Variants in GRHL3 observed in about 807,000 individuals in gnomAD.
GRHL3 encodes grainyhead like transcription factor 3.
In GRHL3, 20 loss-of-function variants were observed where a neutral mutation model predicts 70.3. The observed-to-expected ratio is 0.28, with a 90% CI of 0.20 to 0.41. The LOEUF (loss-of-function observed/expected upper bound fraction) is 0.41, where lower values mean the gene tolerates loss of function less well. Among genes scored for constraint, GRHL3 ranks in the 10% least tolerant of loss-of-function variants. The probability of loss-of-function intolerance (pLI) is 1.00; values close to 1 mark genes in which losing one functional copy is unlikely to be tolerated. For missense variants in GRHL3, 637 were observed against 762.3 expected, an observed-to-expected ratio of 0.84 and a Z score of 1.94; for synonymous variants, 299 against 299.9, an observed-to-expected ratio of 1.00 and a Z score of 0.03.
At chr1:24,360,977 C>G in intron 15 of GRHL3, 2 of 1,613,810 alleles carry the variant, frequency 1.2e-6, no homozygotes, top group Non-Finnish European at 1.7e-6. Flanking sequence ...TGACCAGGAC[C>G]TGGGAAAGGT....
intron 11 of GRHL3, among the ~76,000 whole-genome samples, chr1:24,343,444 G>T (rs1194287494): frequency 2.0e-5 from 3 of 152,112 alleles, no homozygotes. Flanking sequence ...TGTCTCCCTG[G>T]ATCTGTGGGG....
chr1:24,336,820 C>T lies in GRHL3; in HGVS notation c.605C>T (p.Pro202Leu). 1 of 1,600,980 alleles carries T rather than the reference C, an allele frequency of 6.2e-7. No homozygotes were observed. Among genetic ancestry groups the T allele is most frequent in the Non-Finnish European group, 8.5e-7 (1 of 1,171,790 alleles). ...WQPDSTFKDD[P>L]QESMLFPDIL... ...CCAGACAGCACCTTCAAAGATGACC[C>T]ACAGGAGGTGAGGGCGCATCCCCGC... The change falls in exon 4 of 16, where the codon CCA becomes CTA. Residue 202 changes from proline to leucine, a missense_variant. Transcript: ENST00000361548.
At position 24,342,735 on chromosome 1, in the gene GRHL3, CCGG is replaced by C; in HGVS notation, c.1249_1251del (p.Arg418del). On this transcript the variant is annotated inframe_deletion, in exon 10 of 16. Coordinates refer to ENST00000361548, the MANE Select transcript of GRHL3 (RefSeq NM_198173.3). The surrounding 1 kb of genome is among the most constrained non-coding windows in gnomAD (Gnocchi z 4.8). Reference sequence around the variant, plus strand: ...TGCGCGATGACGAGCGGAAGCAGTTCCGGAGGAAGGTCAAGTGCCCTGACTCCA... The same window carrying C: ...TGCGCGATGACGAGCGGAAGCAGTTCAGGAAGGTCAAGTGCCCTGACTCCA... 1.2e-6 allele frequency: 2 copies of C among 1,614,196 alleles called. No individual in the cohort carries two copies. The highest frequency in any genetic ancestry group is 1.7e-6 in the Non-Finnish European group (2 of 1,180,032).
intron 1 of GRHL3, among the ~76,000 whole-genome samples, chr1:24,320,430 T>A (rs986618816): frequency 6.6e-6 from 1 of 152,156 alleles, no homozygotes; most frequent in East Asian, 1.9e-4. Flanking sequence ...CTTCTTGGGG[T>A]CCAGACCTTA....
In GRHL3 at chr1:24,360,881, C is replaced by T. The variant is rs138744711; in HGVS notation, c.1695-3304C>T. ...CCAGGCAGGCCTGGCTGAGGCGGCG[C>T]CGCTGTCCACCGGCTGGTATTGGAC... On this transcript the variant is annotated intron_variant, in intron 15 of 15. Coordinates refer to the GRHL3 transcript ENST00000350501. 6.7e-3 allele frequency: 10,782 copies of T among 1,613,472 alleles called. 56 individuals are homozygous for T. Among genetic ancestry groups the T allele is most frequent in the Non-Finnish European group, 8.4e-3 (9,910 of 1,179,754 alleles).
exon 16 of GRHL3, chr1:24,364,210 C>A (rs1233923407): frequency 1.1e-4 from 172 of 1,540,442 alleles, no homozygotes; most frequent in Non-Finnish European, 1.5e-4. Flanking sequence ...CCACCCACGC[C>A]TGTCTCGCCA....
At chr1:24,329,320 T>C (rs998829031) in intron 1 of GRHL3, among the ~76,000 whole-genome samples, 1 of 152,168 alleles carries the variant, frequency 6.6e-6, no homozygotes, top group Non-Finnish European at 1.5e-5. Flanking sequence ...CACTGCAGTC[T>C]GAGGATATGG....
chr1:24,344,126 C>T (rs183213925), intron 11 of GRHL3, among the ~76,000 whole-genome samples: 55 of 152,284 alleles, frequency 3.6e-4, no homozygotes, highest in African/African-American at 1.2e-3. Flanking sequence ...TGAGGGTGGG[C>T]CAGTCTCCAC....
chr1:24,336,533 C>T lies in GRHL3; in HGVS notation c.318C>T (p.Pro106=). The change falls in exon 4 of 16, where the codon CCC becomes CCT. Residue 106 remains proline (P), a synonymous_variant. Coordinates refer to ENST00000361548, the MANE Select transcript of GRHL3 (RefSeq NM_198173.3). Reference sequence around the variant, plus strand: ...CGGACCTCACTCCCCTTGAAAGCCCCACACACCTCATGAAATTCCTGACAG... The same window carrying T: ...CGGACCTCACTCCCCTTGAAAGCCCTACACACCTCATGAAATTCCTGACAG... ...YETDLTPLES[P]THLMKFLTEN... 1 of 1,612,742 alleles carries T rather than the reference C, an allele frequency of 6.2e-7. No homozygotes were observed. The highest frequency in any genetic ancestry group is 8.5e-7 in the Non-Finnish European group (1 of 1,179,310).
Position 24,364,166 on chromosome 1 carries a change from C to T in GRHL3, c.1695-19C>T, listed in dbSNP as rs920462801. The stretch of plus-strand genomic sequence containing the variant: ...CTGCAAACTCGAATTCAATTCTTGA[C>T]GTTCTCACTTTCTTCCAGGGAAACT... On this transcript the variant is annotated intron_variant, in intron 15 of 15. Transcript: ENST00000350501. 33 of 1,487,590 alleles carry T rather than the reference C, an allele frequency of 2.2e-5. No homozygotes were observed. The Admixed American group carries it at 2.7e-4, about 12-fold the overall frequency. The allele number at this position is 1,487,590 out of a possible 1,614,324, so 92.1% of individuals were successfully genotyped here.
chr1:24,331,510 G>A lies in GRHL3; in HGVS notation c.102G>A (p.Thr34=), dbSNP rs772849599. ...CTAGTGAGGATGAGGCCTGGAAGAC[G>A]TACCTAGAAAACCCGTTGACAGCTG... is the stretch of plus-strand genomic sequence containing the variant. The part of the protein sequence containing the change: ...SYTSEDEAWK[T]YLENPLTAAT... Residue 34 remains threonine (T), a synonymous_variant, in exon 2 of 16, where the codon ACG becomes ACA. Coordinates refer to ENST00000361548, the MANE Select transcript of GRHL3 (RefSeq NM_198173.3). 7.4e-6 allele frequency: 12 copies of A among 1,613,978 alleles called. No individual in the cohort carries two copies. In the East Asian group the frequency reaches 1.6e-4, roughly 21 times the overall value.
At chr1:24,364,382 T>C (rs1641319734) in exon 16 of GRHL3, 4 of 1,530,674 alleles carry the variant, frequency 2.6e-6, no homozygotes, top group Non-Finnish European at 3.5e-6. Flanking sequence ...CACACCCACC[T>C]GGAGGAGAGG....
intron 15 of GRHL3, among the ~76,000 whole-genome samples, chr1:24,361,553 C>T (rs1460869287): frequency 3.3e-5 from 5 of 152,242 alleles, no homozygotes; most frequent in South Asian, 4.2e-4. Flanking sequence ...GATTTGCCAT[C>T]CCAAGACCAG....
rs1553173640 is a variant in GRHL3 at position 24,344,957 on chromosome 1, T to TCCCTCCACACCTGTGCA, written c.1454+43_1454+59dup. 1.6e-5 allele frequency: 26 copies of TCCCTCCACACCTGTGCA among 1,598,740 alleles called. No individual in the cohort carries two copies. The African/African-American group carries it at 2.8e-4, about 17-fold the overall frequency. On this transcript the variant is annotated intron_variant, in intron 12 of 15. Coordinates refer to ENST00000361548, the MANE Select transcript of GRHL3 (RefSeq NM_198173.3). ...GTATGGAGAGAAACAACCACACGCC[T>TCCCTCCACACCTGTGCA]CCCTCCACACCTGTGCACCCTCCAC...
At chr1:24,333,227 C>A (rs1488586972) in intron 2 of GRHL3, among the ~76,000 whole-genome samples, 2 of 152,178 alleles carry the variant, frequency 1.3e-5, no homozygotes, top group Non-Finnish European at 2.9e-5. Flanking sequence ...TTCAGAGCAG[C>A]CCCCTGGACA....
chr1:24,355,705 T>C (rs891440511), downstream of GRHL3, among the ~76,000 whole-genome samples: 1 of 152,148 alleles, frequency 6.6e-6, no homozygotes, highest in Non-Finnish European at 1.5e-5. Flanking sequence ...CAAGCCACGT[T>C]CCCTGCAGCC....
At position 24,334,040 on chromosome 1, in the gene GRHL3, A is replaced by G. The variant is rs1357864301; in HGVS notation, c.205-605A>G. 2.0e-5 allele frequency among the ~76,000 whole-genome samples: 3 copies of G among 152,220 alleles called. No individual in the cohort carries two copies. The highest frequency in any genetic ancestry group is 6.5e-5 in the Admixed American group (1 of 15,288). On this transcript the variant is annotated intron_variant, in intron 2 of 15. Transcript: ENST00000361548. The surrounding 1 kb of genome is among the most constrained non-coding windows in gnomAD (Gnocchi z 4.3). ...CTTTCAAGTGGCATTTCTAGGACTT[A>G]CGCCAGGCCTGCCTGACTCCAAATT...
chr1:24,343,223 A>G, intron 11 of GRHL3, 198 bp downstream of exon 11: 2 of 570,100 alleles, frequency 3.5e-6, no homozygotes, highest in Admixed American at 3.0e-5. Flanking sequence ...GAAGAATGTT[A>G]TGAAGAAACA....
rs370545374 is a variant in GRHL3 at position 24,334,660 on chromosome 1, C to T, written c.220C>T (p.Arg74Trp). ...CTCTTCTCAGGGTCCCAAGGAGAAGCGGATATTGTCCTCCAGCACTGGGGG... is the reference window on the plus strand; with the variant it reads ...CTCTTCTCAGGGTCCCAAGGAGAAGTGGATATTGTCCTCCAGCACTGGGGG... ...YDYYMGPKEK[R>W]ILSSSTGGRN... Residue 74 changes from arginine to tryptophan, a missense_variant, in exon 3 of 16, where the codon CGG becomes TGG. Physicochemically the swap from Arg to Trp is moderately radical, Grantham distance 101. Transcript: ENST00000361548. The surrounding 1 kb of genome is among the most constrained non-coding windows in gnomAD (Gnocchi z 4.3). 1.1e-5 allele frequency: 17 copies of T among 1,611,208 alleles called. No homozygotes were observed. The highest frequency in any genetic ancestry group is 5.3e-5 in the African/African-American group (4 of 74,778).
Sources: allele counts gnomAD v4.1 joint callset (sites outside exome capture counted in the v4.1 genomes callset), GRCh38; gene constraint gnomAD v4.1.1; non-coding constraint Gnocchi (gnomAD v3.1); transcripts MANE v1.5; gene names NCBI Gene and HGNC (gene_info 2026-07-23, HGNC 2026-07-21).